Variants in XKR9 observed in about 807,000 individuals in gnomAD.
XKR9 encodes XK-related protein 9.
XKR9 carries 32 observed loss-of-function variants against 32.0 expected under a neutral mutation model. That is an observed-to-expected ratio of 1.00 (90% CI 0.76 to 1.34). The LOEUF is 1.34. XKR9 is among the 40% of genes most tolerant of loss of function. XKR9 has a pLI of 0.00. For synonymous variants in XKR9, 168 were observed against 143.4 expected (o/e 1.17, Z -1.22); for missense variants, 546 against 429.7 (o/e 1.27, Z -2.39).
At chr8:70,963,778 G>A in the XKR9 span, among the ~76,000 whole-genome samples, 1 of 152,178 alleles carries the variant, frequency 6.6e-6, no homozygotes, top group East Asian at 1.9e-4. Flanking sequence ...TTTGAGAAAT[G>A]TCTGTTCATG....
chr8:71,007,324 T>TA, the XKR9 span, among the ~76,000 whole-genome samples: 1 of 152,196 alleles, frequency 6.6e-6, no homozygotes, highest in African/African-American at 2.4e-5. Context: ...TGATCCCTGC[T>TA]ATGAGGATCA....
chr8:70,969,395 T>C, the XKR9 span, among the ~76,000 whole-genome samples: 2 of 152,178 alleles, frequency 1.3e-5, no homozygotes, highest in East Asian at 3.9e-4. Flanking sequence ...TTTTTCAGGA[T>C]AAACTCATTA....
At chr8:70,772,927 G>A (rs537235319) in intron 2 of XKR9, among the ~76,000 whole-genome samples, 89 of 152,234 alleles carry the variant, frequency 5.8e-4, no homozygotes, top group African/African-American at 2.0e-3. Flanking sequence ...GGTTTCAGTC[G>A]AAAAGTGTTT....
the XKR9 span, among the ~76,000 whole-genome samples, chr8:70,798,707 C>T: frequency 3.3e-4 from 50 of 152,270 alleles, no homozygotes; most frequent in Admixed American, 1.3e-3. Flanking sequence ...TACAATCCTT[C>T]TTGAGTTAAT....
intron 3 of XKR9, among the ~76,000 whole-genome samples, chr8:70,696,880 C>T (rs1048081491): frequency 3.4e-5 from 5 of 145,626 alleles, no homozygotes; most frequent in African/African-American, 1.2e-4. Flanking sequence ...TTGTAGTTCT[C>T]CTTGAAGAGG....
chr8:70,808,400 C>G, the XKR9 span, among the ~76,000 whole-genome samples: 2 of 151,928 alleles, frequency 1.3e-5, no homozygotes, highest in South Asian at 4.2e-4. Flanking sequence ...TTCTGCATTT[C>G]CAACTGAGGT....
At chr8:70,904,038 A>G in the XKR9 span, among the ~76,000 whole-genome samples, 1 of 152,092 alleles carries the variant, frequency 6.6e-6, no homozygotes, top group African/African-American at 2.4e-5. Context: ...TTTACTTCCA[A>G]CTATGTCGTC....
the XKR9 span, among the ~76,000 whole-genome samples, chr8:70,982,014 T>A: frequency 5.9e-5 from 9 of 152,210 alleles, no homozygotes; most frequent in African/African-American, 2.2e-4. Context: ...CTTGCAGCCA[T>A]GGATACCTGC....
the XKR9 span, among the ~76,000 whole-genome samples, chr8:70,992,421 C>A: frequency 4.3e-4 from 65 of 152,084 alleles, no homozygotes; most frequent in African/African-American, 1.2e-3. Context: ...TGGTGTCCAG[C>A]GACCACTCAC....
the XKR9 span, among the ~76,000 whole-genome samples, chr8:70,837,450 G>A: frequency 6.6e-6 from 1 of 152,172 alleles, no homozygotes; most frequent in East Asian, 1.9e-4. Flanking sequence ...ATGAGATTAT[G>A]AGTTTACAGA....
chr8:70,982,175 G>T, the XKR9 span, among the ~76,000 whole-genome samples: 1 of 152,220 alleles, frequency 6.6e-6, no homozygotes, highest in Admixed American at 6.5e-5. Flanking sequence ...CTGTAGGGAA[G>T]ATGCAAACTT....
At chr8:70,841,110 AT>A in the XKR9 span, among the ~76,000 whole-genome samples, 2 of 151,936 alleles carry the variant, frequency 1.3e-5, no homozygotes, top group Non-Finnish European at 2.9e-5. Context: ...ATGACCTCAG[AT>A]TTTTTTTAAA....
chr8:70,724,658 G>A (rs1406327332), intron 4 of XKR9, among the ~76,000 whole-genome samples: 2 of 152,116 alleles, frequency 1.3e-5, no homozygotes, highest in Non-Finnish European at 1.5e-5. Context: ...CACTTCATGG[G>A]TGAGGTGACA....
intron 4 of XKR9, among the ~76,000 whole-genome samples, chr8:70,726,289 A>C (rs920675952): frequency 2.0e-5 from 3 of 152,216 alleles, no homozygotes; most frequent in Admixed American, 1.3e-4. Context: ...AATGTTGAAT[A>C]CCTTAGTGGC....
the XKR9 span, among the ~76,000 whole-genome samples, chr8:70,890,977 A>G: frequency 6.6e-6 from 1 of 151,758 alleles, no homozygotes; most frequent in African/African-American, 2.4e-5. Flanking sequence ...TCTTACTCAT[A>G]ATTGTTCTGT....
the XKR9 span, among the ~76,000 whole-genome samples, chr8:71,044,189 A>G: frequency 6.6e-6 from 1 of 152,344 alleles, no homozygotes; most frequent in Non-Finnish European, 1.5e-5. Flanking sequence ...ATAGATTTTT[A>G]TCTGTTCCAA....
At chr8:70,856,911 T>C in the XKR9 span, among the ~76,000 whole-genome samples, 3 of 152,126 alleles carry the variant, frequency 2.0e-5, no homozygotes, top group Non-Finnish European at 2.9e-5. Flanking sequence ...AATAAAGATG[T>C]TCTTTGAAAC....
At chr8:70,822,559 A>G in the XKR9 span, among the ~76,000 whole-genome samples, 1 of 150,770 alleles carries the variant, frequency 6.6e-6, no homozygotes, top group Non-Finnish European at 1.5e-5. Context: ...TAATAATATA[A>G]TTATAAATAA....
the XKR9 span, among the ~76,000 whole-genome samples, chr8:70,896,245 C>T: frequency 2.6e-5 from 4 of 152,002 alleles, no homozygotes; most frequent in African/African-American, 9.6e-5. Context: ...AGTGTTTTTC[C>T]CTCCTGCATT....
Sources: gnomAD v4.1 joint callset for allele counts (sites outside exome capture counted in the v4.1 genomes callset) on GRCh38, gnomAD v4.1.1 for gene constraint, MANE v1.5 for transcripts, NCBI Gene and HGNC (gene_info 2026-07-23, HGNC 2026-07-21) for gene names.